Variants in ABTB3 observed in about 807,000 individuals in gnomAD.
The protein encoded by ABTB3 is ankyrin repeat and BTB domain containing 3.
the ABTB3 span, among the ~76,000 whole-genome samples, chr12:107,427,945 T>C: frequency 1.3e-5 from 2 of 152,186 alleles, no homozygotes; most frequent in African/African-American, 2.4e-5. Flanking sequence ...ATTCCCAGCA[T>C]GTTAGCACCT....
the ABTB3 span, among the ~76,000 whole-genome samples, chr12:107,371,063 C>A: frequency 6.6e-6 from 1 of 151,934 alleles, no homozygotes; most frequent in African/African-American, 2.4e-5. Flanking sequence ...GCTGGCATAG[C>A]CCATCAGAAC....
At chr12:107,348,043 A>T in the ABTB3 span, among the ~76,000 whole-genome samples, 1 of 152,098 alleles carries the variant, frequency 6.6e-6, no homozygotes, top group African/African-American at 2.4e-5. Context: ...GGGTTTTGAA[A>T]GATGAATAGT....
the ABTB3 span, among the ~76,000 whole-genome samples, chr12:107,470,218 T>C: frequency 1.4e-4 from 22 of 151,902 alleles, no homozygotes; most frequent in East Asian, 3.1e-3. Flanking sequence ...TTTGTGTTTT[T>C]AATAGATATG....
At chr12:107,620,281 C>A in the ABTB3 span, 2 of 1,309,298 alleles carry the variant, frequency 1.5e-6, no homozygotes, top group Admixed American at 2.4e-5. Context: ...ACGGTCATAG[C>A]GACCAGTGGC....
chr12:107,320,630 G>A, the ABTB3 span: 1 of 456,130 alleles, frequency 2.2e-6, no homozygotes. Context: ...CTAGACAGTC[G>A]TAAAGGTGTG....
At chr12:107,337,763 C>T in the ABTB3 span, among the ~76,000 whole-genome samples, 4 of 152,208 alleles carry the variant, frequency 2.6e-5, no homozygotes, top group Non-Finnish European at 5.9e-5. Flanking sequence ...GACACCAAAA[C>T]TGTGTCTAGA....
the ABTB3 span, among the ~76,000 whole-genome samples, chr12:107,442,421 A>AT: frequency 3.3e-5 from 5 of 152,238 alleles, no homozygotes; most frequent in African/African-American, 1.2e-4. Flanking sequence ...GAAACCGAAC[A>AT]TTTTTTCGTT....
At chr12:107,357,472 G>A in the ABTB3 span, among the ~76,000 whole-genome samples, 1 of 152,128 alleles carries the variant, frequency 6.6e-6, no homozygotes, top group Admixed American at 6.5e-5. Flanking sequence ...TTAGCTGCTT[G>A]TGGTAGCATG....
the ABTB3 span, among the ~76,000 whole-genome samples, chr12:107,593,874 A>T: frequency 6.6e-6 from 1 of 152,184 alleles, no homozygotes; most frequent in Non-Finnish European, 1.5e-5. Context: ...AGGGCAGGGC[A>T]TGCCACCGGA....
chr12:107,386,554 G>A, the ABTB3 span, among the ~76,000 whole-genome samples: 1 of 152,196 alleles, frequency 6.6e-6, no homozygotes, highest in African/African-American at 2.4e-5. Context: ...AATGACATTG[G>A]CCTGGAGGAA....
the ABTB3 span, among the ~76,000 whole-genome samples, chr12:107,503,687 G>A: frequency 6.8e-6 from 1 of 147,358 alleles, no homozygotes; most frequent in South Asian, 2.2e-4. Flanking sequence ...AGCCCAGGAG[G>A]TCGAGGCTGC....
the ABTB3 span, among the ~76,000 whole-genome samples, chr12:107,573,300 A>C: frequency 6.6e-6 from 1 of 152,238 alleles, no homozygotes; most frequent in South Asian, 2.1e-4. Context: ...ATGTCCCTGC[A>C]TGCAACTAAA....
chr12:107,642,783 C>T, the ABTB3 span, among the ~76,000 whole-genome samples: 1 of 151,882 alleles, frequency 6.6e-6, no homozygotes. Flanking sequence ...GGAAGGCTTC[C>T]TGGTCCAAGG....
chr12:107,495,084 G>A, the ABTB3 span, among the ~76,000 whole-genome samples: 5 of 152,182 alleles, frequency 3.3e-5, no homozygotes, highest in Non-Finnish European at 5.9e-5. Context: ...CGCCCAAGGA[G>A]TCCTCTCCGG....
At chr12:107,558,177 G>A in the ABTB3 span, among the ~76,000 whole-genome samples, 4 of 152,234 alleles carry the variant, frequency 2.6e-5, no homozygotes, top group East Asian at 1.9e-4. Context: ...AGTGGGGGAC[G>A]CATAGACCAA....
chr12:107,477,905 T>C, the ABTB3 span, among the ~76,000 whole-genome samples: 2 of 152,164 alleles, frequency 1.3e-5, no homozygotes, highest in African/African-American at 2.4e-5. Flanking sequence ...TAGTCAGTTA[T>C]ACTGTCCCAG....
the ABTB3 span, among the ~76,000 whole-genome samples, chr12:107,584,059 G>T: frequency 6.6e-6 from 1 of 152,212 alleles, no homozygotes; most frequent in Non-Finnish European, 1.5e-5. Flanking sequence ...TTCAGGACAT[G>T]AAAGGATAAA....
the ABTB3 span, among the ~76,000 whole-genome samples, chr12:107,369,227 G>C: frequency 0.26 from 39,084 of 151,840 alleles, 6,138 homozygotes; most frequent in South Asian, 0.41. Flanking sequence ...TTGTAACTTT[G>C]CTTTCACATT....
At chr12:107,420,958 C>G in the ABTB3 span, among the ~76,000 whole-genome samples, 1 of 152,192 alleles carries the variant, frequency 6.6e-6, no homozygotes. Context: ...TCAGCTGACA[C>G]AAGCCTTGGT....
Sources: allele counts gnomAD v4.1 joint callset (sites outside exome capture counted in the v4.1 genomes callset), GRCh38; gene constraint gnomAD v4.1.1; transcripts MANE v1.5; gene names NCBI Gene and HGNC (gene_info 2026-07-23, HGNC 2026-07-21).